DYNC1H1: variants seen among roughly 807,000 people sequenced by gnomAD.
The protein encoded by DYNC1H1 is cytoplasmic dynein 1 heavy chain 1.
Under a neutral mutation model 527.1 loss-of-function variants are expected in DYNC1H1, and 51 were observed. That is an observed-to-expected ratio of 0.10 (90% CI 0.08 to 0.12). The LOEUF (loss-of-function observed/expected upper bound fraction) is 0.12. DYNC1H1 is among the 10% of genes least tolerant of loss of function. The pLI is 1.00. For synonymous variants in DYNC1H1, 2,189 were observed against 2,278.8 expected, an observed-to-expected ratio of 0.96 and a Z score of 1.12; for missense variants, 2,771 against 5,971.8, an observed-to-expected ratio of 0.46 and a Z score of 17.66.
Position 102,011,101 on chromosome 14 carries a change from T to C in DYNC1H1, c.6618+149T>C, listed in dbSNP as rs1595614655. ...TTTATGAAGATTTGCCCAAGGCCTA[T>C]TTGAATTTTTGTTGTTGTTGTTTAA... is the stretch of plus-strand genomic sequence containing the variant. On this transcript the variant is annotated intron_variant, in intron 32 of 77. Coordinates refer to ENST00000360184, the MANE Select transcript of DYNC1H1 (RefSeq NM_001376.5). This position sits in a 1 kb window ranked among gnomAD's most constrained non-coding sequence, Gnocchi z 5.3. 1.2e-6 allele frequency: 1 copy of C among 831,880 alleles called. No homozygotes were observed. The highest frequency in any genetic ancestry group is 2.0e-6 in the Non-Finnish European group (1 of 499,376). 51.5% of individuals were successfully genotyped at this position (831,880 alleles called of 1,614,324 possible).
chr14:102,040,466 T>C (rs1595630660), intron 63 of DYNC1H1, 56 bp downstream of exon 63: 3 of 1,613,350 alleles, frequency 1.9e-6, no homozygotes, highest in Non-Finnish European at 2.5e-6. Flanking sequence ...TCCCAGGAAA[T>C]GTAAGGAATT....
chr14:102,041,945 C>T lies in DYNC1H1; in HGVS notation c.12103-68C>T, dbSNP rs2048656307. 6.4e-7 allele frequency: 1 copy of T among 1,573,620 alleles called. No individual in the cohort carries two copies. Among genetic ancestry groups the T allele is most frequent in the Admixed American group, 1.7e-5 (1 of 58,374 alleles). On this transcript the variant is annotated intron_variant, in intron 65 of 77. Coordinates refer to ENST00000360184, the MANE Select transcript of DYNC1H1 (RefSeq NM_001376.5). This position sits in a 1 kb window ranked among gnomAD's most constrained non-coding sequence, Gnocchi z 4.5. ...CTTCTCAGGCCCCTCACTCGGGGCT[C>T]TCCTTTCCCTTGACAGGTACACACT...
rs746474376 is a variant in DYNC1H1 at position 102,041,127 on chromosome 14, C to G, written c.11942-447C>G. The G allele has an allele frequency of 6.1e-5, 21 of 344,656 alleles. No individual in the cohort carries two copies. Among genetic ancestry groups the G allele is most frequent in the Non-Finnish European group, 1.1e-4 (20 of 179,506 alleles). 21.3% of individuals were successfully genotyped at this position (344,656 alleles called of 1,614,324 possible). A position where few individuals can be genotyped will look rare whatever the true frequency, so the allele number is the denominator to read the frequency against. On this transcript the variant is annotated intron_variant, in intron 64 of 77. Transcript: ENST00000360184. The surrounding 1 kb of genome is among the most constrained non-coding windows in gnomAD (Gnocchi z 4.5). ...CCACAAGAGAACTAGATGGGGAACT[C>G]CTGCCTAATGCTAAGGAGTTAACTG...
chr14:102,009,139 TCC>T (rs1211405804), intron 29 of DYNC1H1, among the ~76,000 whole-genome samples: 1 of 152,064 alleles, frequency 6.6e-6, no homozygotes, highest in Non-Finnish European at 1.5e-5. Context: ...CCACTTCCCT[TCC>T]CAGTTCAACA....
chr14:101,977,724 T>C (rs993543037), intron 2 of DYNC1H1, among the ~76,000 whole-genome samples: 5 of 152,220 alleles, frequency 3.3e-5, no homozygotes, highest in Admixed American at 3.3e-4. Context: ...TGACACTGAC[T>C]TGTTTGACAT....
At position 101,994,336 on chromosome 14, in the gene DYNC1H1, C is replaced by T. The variant is rs763657819; in HGVS notation, c.3156+12C>T. Reference sequence around the variant, plus strand: ...AACAGTATGTCAAGGTAAGAAACTCCTAATTTCATTCAAATGTGCATATGG... The same window carrying T: ...AACAGTATGTCAAGGTAAGAAACTCTTAATTTCATTCAAATGTGCATATGG... On this transcript the variant is annotated intron_variant, in intron 12 of 77. Coordinates refer to ENST00000360184, the MANE Select transcript of DYNC1H1 (RefSeq NM_001376.5). 3 of 1,613,956 alleles carry T rather than the reference C, an allele frequency of 1.9e-6. No individual in the cohort carries two copies. In the African/African-American group the frequency reaches 4.0e-5, roughly 22 times the overall value.
At chr14:102,022,640 AGACT>A in intron 42 of DYNC1H1, 107 bp from the exon 43 acceptor site, 2 of 1,489,966 alleles carry the variant, frequency 1.3e-6, no homozygotes, top group East Asian at 2.3e-5. Flanking sequence ...TGTGTGATAA[AGACT>A]GACTGCATCC....
rs958589871 is a variant in DYNC1H1 at position 102,016,879 on chromosome 14, C to T, written c.7728C>T (p.Arg2576=). The change falls in exon 38 of 78, where the codon CGC becomes CGT. Residue 2576 remains arginine, a synonymous_variant. Transcript: ENST00000360184. This position sits in a 1 kb window ranked among gnomAD's most constrained non-coding sequence, Gnocchi z 7.3. Reference sequence around the variant, plus strand: ...TCGTGCCAACGCTGGACACAGTCCGCCACGAAGCCCTCTTGTACACTTGGC... The same window carrying T: ...TCGTGCCAACGCTGGACACAGTCCGTCACGAAGCCCTCTTGTACACTTGGC... ...DVVVPTLDTV[R]HEALLYTWLA... The T allele has an allele frequency of 1.5e-5, 25 of 1,614,094 alleles. No homozygotes were observed. The highest frequency in any genetic ancestry group is 2.0e-5 in the Non-Finnish European group (24 of 1,180,058).
Position 102,039,237 on chromosome 14 carries a change from A to G in DYNC1H1, c.11443A>G (p.Met3815Val). ...CGCCTGCAGCAGCATCTACTTCACCATGGAGTCCCTCAAGCAGGTGGGTGC... is the reference window on the plus strand; with the variant it reads ...CGCCTGCAGCAGCATCTACTTCACCGTGGAGTCCCTCAAGCAGGTGGGTGC... ...STACSSIYFT[M>V]ESLKQIHFLY... Residue 3815 changes from methionine to valine, a missense_variant, in exon 60 of 78, where the codon ATG becomes GTG. Transcript: ENST00000360184. The surrounding 1 kb of genome is among the most constrained non-coding windows in gnomAD (Gnocchi z 7.0). 2 of 1,613,682 alleles carry G rather than the reference A, an allele frequency of 1.2e-6. No homozygotes were observed. The highest frequency in any genetic ancestry group is 1.7e-6 in the Non-Finnish European group (2 of 1,180,030).
rs867503066 is a variant in DYNC1H1, at chr14:101,997,174, A to G, written c.3704A>G (p.Gln1235Arg). Residue 1235 changes from glutamine to arginine, a missense_variant, in exon 16 of 78, where the codon CAG (glutamine) becomes CGG (arginine). Physicochemically the swap from Gln to Arg is conservative, Grantham distance 43 (BLOSUM62 1). Coordinates refer to ENST00000360184, the MANE Select transcript of DYNC1H1 (RefSeq NM_001376.5). The surrounding 1 kb of genome is among the most constrained non-coding windows in gnomAD (Gnocchi z 4.8). ...CGAAAGGACTCTGCCATTCAGCAGC[A>G]GGTGGCAAACCTGCAAATGAAGATT... ...MRRKDSAIQQ[Q>R]VANLQMKIVQ... 1.1e-5 allele frequency: 17 copies of G among 1,614,042 alleles called. No individual in the cohort carries two copies. In the Admixed American group the frequency reaches 2.3e-4, roughly 22 times the overall value.
In DYNC1H1 at chr14:102,010,292, C is replaced by T; in HGVS notation, c.6238C>T (p.Leu2080Phe). Residue 2080 changes from leucine (L) to phenylalanine (F), a missense_variant, in exon 31 of 78, where the codon CTC becomes TTC. This residue lies in a region of DYNC1H1 where 19 missense variants were observed against 90.4 expected (regional missense o/e 0.21). Transcript: ENST00000360184. The surrounding 1 kb of genome is among the most constrained non-coding windows in gnomAD (Gnocchi z 6.0). ...CTTTTCTAGACTATGCGATGAGCAG[C>T]TCTCTTCCCAAAGCCATTATGACTT... ...VPFFKLCDEQLSSQSHYDFGL... is the reference protein window; with the variant it reads ...VPFFKLCDEQFSSQSHYDFGL... The T allele has an allele frequency of 6.2e-7, 1 of 1,614,000 alleles. No homozygotes were observed. Among genetic ancestry groups the T allele is most frequent in the Non-Finnish European group, 8.5e-7 (1 of 1,180,012 alleles).
In DYNC1H1 at chr14:102,034,018, C is replaced by T. The variant is rs1297544368; in HGVS notation, c.10456C>T (p.Arg3486Cys). ...TCTTCTGAAGAGCTTGTCTGCTGAA[C>T]GTGAACGATGGGAAAAAACAAGTGA... ...TALLKSLSAE[R>C]ERWEKTSETF... The change falls in exon 55 of 78, where the codon CGT (arginine) becomes TGT (cysteine). Residue 3486 changes from arginine (R) to cysteine (C), a missense_variant. Around this residue, in one of 32 missense-constraint regions of DYNC1H1, gnomAD observed 283 missense variants for 737.6 expected, o/e 0.38. Transcript: ENST00000360184. 1 of 1,614,022 alleles carries T rather than the reference C, an allele frequency of 6.2e-7. No homozygotes were observed. Among genetic ancestry groups the T allele is most frequent in the Admixed American group, 1.7e-5 (1 of 60,002 alleles).
intron 1 of DYNC1H1, among the ~76,000 whole-genome samples, chr14:101,968,284 G>GGTTTTGTTTTGTTTTGTTTT (rs71116867): frequency 6.6e-6 from 1 of 151,574 alleles, no homozygotes; most frequent in African/African-American, 2.4e-5. Context: ...GTGGGGAAAG[G>GGTTTTGTTTTGTTTTGTTTT]GTTTTGTTTT....
At chr14:102,023,249 A>G in intron 43 of DYNC1H1, 1 of 349,026 alleles carries the variant, frequency 2.9e-6, no homozygotes. Flanking sequence ...TTCAAAAAAT[A>G]CTTCAGAAAA....
rs774198261 is a variant in DYNC1H1 at position 101,997,041 on chromosome 14, C to A, written c.3571C>A (p.Arg1191Ser). Residue 1191 changes from arginine to serine, a missense_variant, in exon 16 of 78, where the codon CGC (arginine) becomes AGC (serine). Arg to Ser is a moderately radical substitution (Grantham distance 110). Coordinates refer to ENST00000360184, the MANE Select transcript of DYNC1H1 (RefSeq NM_001376.5). This position sits in a 1 kb window ranked among gnomAD's most constrained non-coding sequence, Gnocchi z 4.8. ...KQFEKQVELY[R>S]NGQRLLEKQR... ...TATTTTTTAACTCTCAAAGCTCTACCGCAATGGCCAGCGCTTACTGGAAAA... is the reference window on the plus strand; with the variant it reads ...TATTTTTTAACTCTCAAAGCTCTACAGCAATGGCCAGCGCTTACTGGAAAA... 1 of 1,613,884 alleles carries A rather than the reference C, an allele frequency of 6.2e-7. No homozygotes were observed. Among genetic ancestry groups the A allele is most frequent in the Non-Finnish European group, 8.5e-7 (1 of 1,179,906 alleles).
chr14:102,054,058 T>C lies in DYNC1H1; in HGVS notation c.*3495T>C, dbSNP rs901254786. 6.6e-6 allele frequency: 1 copy of C among 152,136 alleles called. No homozygotes were observed. Among genetic ancestry groups the C allele is most frequent in the Non-Finnish European group, 1.5e-5 (1 of 68,062 alleles). 9.4% of individuals were successfully genotyped at this position (152,136 alleles called of 1,614,324 possible). ...CCAGCTGCAAATGAATTTTTAAAAA[T>C]GTGTTAGATCAATATTCATATCACC... On this transcript the variant is annotated 3_prime_UTR_variant, in exon 78 of 78. Transcript: ENST00000360184.
rs370026529 is a variant in DYNC1H1, at chr14:102,041,679, C to A, written c.12047C>A (p.Ser4016Tyr). 3 of 1,614,194 alleles carry A rather than the reference C, an allele frequency of 1.9e-6. No homozygotes were observed. The Admixed American group carries it at 5.0e-5, about 27-fold the overall frequency. Residue 4016 changes from serine to tyrosine, a missense_variant, in exon 65 of 78, where the codon TCT (serine) becomes TAT (tyrosine). Transcript: ENST00000360184. This position sits in a 1 kb window ranked among gnomAD's most constrained non-coding sequence, Gnocchi z 4.5. The part of the protein sequence containing the change: ...HMFVSTNLGE[S>Y]FMSIMEQPLD... ...TTTGTTTCAACAAACCTTGGGGAGT[C>A]TTTCATGTCCATCATGGAGCAGCCG...
rs2048373674 is a variant in DYNC1H1, at chr14:102,020,577, G to A, written c.8507+521G>A. Among the ~76,000 whole-genome samples the A allele has an allele frequency of 6.6e-6, 1 of 152,138 alleles. No homozygotes were observed. On this transcript the variant is annotated intron_variant, in intron 42 of 77. Coordinates refer to ENST00000360184, the MANE Select transcript of DYNC1H1 (RefSeq NM_001376.5). This position sits in a 1 kb window ranked among gnomAD's most constrained non-coding sequence, Gnocchi z 4.3. ...AAGGCTTTGCAGCTGCAGCTCTGGG[G>A]CACTGGTTTTCTCTTTTACCTGTTG...
rs1221788075 is a variant in DYNC1H1 at position 102,016,104 on chromosome 14, G to A, written c.7473+18G>A. The A allele has an allele frequency of 5.7e-6, 9 of 1,586,364 alleles. No individual in the cohort carries two copies. The highest frequency in any genetic ancestry group is 7.7e-6 in the Non-Finnish European group (9 of 1,167,228). On this transcript the variant is annotated intron_variant, in intron 36 of 77. Transcript: ENST00000360184. The surrounding 1 kb of genome is among the most constrained non-coding windows in gnomAD (Gnocchi z 7.3). ...ACATTCAGGTCAGGGGGCATCAGGG[G>A]CTTCACAGAGCTCACCACTGCGCCA...
Sources: gnomAD v4.1 joint callset for allele counts (sites outside exome capture counted in the v4.1 genomes callset) on GRCh38, gnomAD v4.1.1 for gene constraint, gnomAD v4.1.1 regional missense constraint, Gnocchi (gnomAD v3.1) non-coding constraint, MANE v1.5 for transcripts, NCBI Gene and HGNC (gene_info 2026-07-23, HGNC 2026-07-21) for gene names.